GRAMD1B: variants seen among roughly 807,000 people sequenced by gnomAD.
GRAMD1B encodes protein Aster-B.
A neutral mutation model predicts 99.7 loss-of-function variants in GRAMD1B; 37 were observed. That is an observed-to-expected ratio of 0.37 (90% CI 0.29 to 0.49). The LOEUF is 0.49. GRAMD1B is among the 20% of genes least tolerant of loss of function. The pLI, the probability that GRAMD1B is intolerant of heterozygous loss-of-function variation, is 0.98. For synonymous variants in GRAMD1B, 427 were observed against 387.6 expected (o/e 1.10, Z -1.19); for missense variants, 888 against 1,009.2 (o/e 0.88, Z 1.63).
intron 1 of GRAMD1B, among the ~76,000 whole-genome samples, chr11:123,419,277 A>G (rs971298077): frequency 1.2e-4 from 18 of 152,280 alleles, no homozygotes; most frequent in African/African-American, 4.1e-4. Flanking sequence ...TACTGTCCCC[A>G]ACAGGTTCAC....
intron 1 of GRAMD1B, among the ~76,000 whole-genome samples, chr11:123,469,508 G>A (rs1241339928): frequency 6.6e-6 from 1 of 152,100 alleles, no homozygotes; most frequent in Admixed American, 6.6e-5. Context: ...AAACTGATGT[G>A]GGGTTGCATT....
At chr11:123,541,639 G>A (rs1944543899) in intron 2 of GRAMD1B, among the ~76,000 whole-genome samples, 1 of 149,176 alleles carries the variant, frequency 6.7e-6, no homozygotes, top group African/African-American at 2.5e-5. Flanking sequence ...GGTAATACAT[G>A]TTGCAAGTAC....
At chr11:123,536,684 G>A (rs1413338094) in intron 2 of GRAMD1B, among the ~76,000 whole-genome samples, 2 of 152,160 alleles carry the variant, frequency 1.3e-5, no homozygotes, top group Non-Finnish European at 2.9e-5. Context: ...TGGGGCCAGC[G>A]AGTTCTGATC....
Position 123,406,969 on chromosome 11 carries a change from G to T in GRAMD1B, c.-176+48170G>T, listed in dbSNP as rs187026176. Reference sequence around the variant, plus strand: ...AAACATGCAGATCCCTGCACCTGTGGTATTTACCCTAAAACTCCCTGTGGC... The same window carrying T: ...AAACATGCAGATCCCTGCACCTGTGTTATTTACCCTAAAACTCCCTGTGGC... On this transcript the variant is annotated intron_variant, in intron 1 of 20. Transcript: ENST00000638157. Among the ~76,000 whole-genome samples, 487 of 152,296 alleles carry T rather than the reference G, an allele frequency of 3.2e-3. 4 individuals carry two copies. Among genetic ancestry groups the T allele is most frequent in the African/African-American group, 0.011 (463 of 41,566 alleles).
At chr11:123,620,735 G>C (rs1234300286) in intron 19 of GRAMD1B, among the ~76,000 whole-genome samples, 2 of 152,144 alleles carry the variant, frequency 1.3e-5, no homozygotes, top group Non-Finnish European at 2.9e-5. Context: ...ACATGTCAAG[G>C]GTTAGACTTA....
chr11:123,423,295 A>C (rs1263584859), intron 1 of GRAMD1B, among the ~76,000 whole-genome samples: 6 of 149,664 alleles, frequency 4.0e-5, no homozygotes, highest in African/African-American at 1.5e-4. Flanking sequence ...CCTTATCCCC[A>C]ACCCCAAATG....
Position 123,600,479 on chromosome 11 carries a change from T to G in GRAMD1B, c.981T>G (p.Thr327=). Residue 327 remains threonine (T), a synonymous_variant, in exon 8 of 20, where the codon ACT becomes ACG. Coordinates refer to ENST00000635736, the MANE Select transcript of GRAMD1B (RefSeq NM_001387025.1). ...CTTTTCCAATCTAGCACTTCTTCACTTCGTTTGGGGCCCGGGATAGGACAT... is the reference window on the plus strand; with the variant it reads ...CTTTTCCAATCTAGCACTTCTTCACGTCGTTTGGGGCCCGGGATAGGACAT... ...VCTDSEKHFF[T]SFGARDRTYM... 6.2e-7 allele frequency: 1 copy of G among 1,608,006 alleles called. No individual in the cohort carries two copies. The highest frequency in any genetic ancestry group is 8.5e-7 in the Non-Finnish European group (1 of 1,175,152).
At chr11:123,608,265 G>T (rs1592254707) in intron 11 of GRAMD1B, 1 of 544,556 alleles carries the variant, frequency 1.8e-6, no homozygotes, top group South Asian at 2.3e-5. Flanking sequence ...ACAATTTGTT[G>T]TCGATTAGAG....
intron 1 of GRAMD1B, among the ~76,000 whole-genome samples, chr11:123,444,649 G>A (rs1302297216): frequency 6.6e-6 from 1 of 151,992 alleles, no homozygotes; most frequent in Non-Finnish European, 1.5e-5. Flanking sequence ...AGTCAGCTGG[G>A]GGTTTTAGAA....
rs7114319 is a variant in GRAMD1B at position 123,603,577 on chromosome 11, C to T, written c.1166+36C>T. On this transcript the variant is annotated intron_variant, in intron 9 of 19. Coordinates refer to ENST00000635736, the MANE Select transcript of GRAMD1B (RefSeq NM_001387025.1). ...CCAAGGGCGGCTGCCCAGAGGCAGC[C>T]GTGCGAGTGCCTGCAGGAAGAACCT... The T allele has an allele frequency of 2.9e-3, 3,525 of 1,231,288 alleles. 117 individuals carry two copies. The East Asian group carries it at 0.073, about 26-fold the overall frequency. 76.3% of individuals were successfully genotyped at this position (1,231,288 alleles called of 1,614,324 possible).
intron 4 of GRAMD1B, among the ~76,000 whole-genome samples, chr11:123,586,696 G>A (rs1950112349): frequency 6.6e-6 from 1 of 152,200 alleles, no homozygotes; most frequent in African/African-American, 2.4e-5. Flanking sequence ...GGAGGCCCTT[G>A]CCCTGCCCCT....
At chr11:123,483,147 G>A (rs1399412535) in intron 2 of GRAMD1B, among the ~76,000 whole-genome samples, 1 of 152,104 alleles carries the variant, frequency 6.6e-6, no homozygotes, top group African/African-American at 2.4e-5. Context: ...CAGTGAGAAG[G>A]ATTGCAGCTC....
At chr11:123,577,341 C>T (rs781148012) in intron 2 of GRAMD1B, 26 bp from the exon 3 acceptor site, 26 of 1,546,676 alleles carry the variant, frequency 1.7e-5, no homozygotes, top group South Asian at 1.2e-5. Flanking sequence ...TTCCACCCCG[C>T]TCCCTCTCTC....
intron 5 of GRAMD1B, 135 bp downstream of exon 5, chr11:123,594,301 C>G: frequency 5.9e-6 from 4 of 680,954 alleles, no homozygotes; most frequent in Non-Finnish European, 2.7e-6. Context: ...TGTCCAGACC[C>G]CTGGCCCCAG....
Position 123,584,301 on chromosome 11 carries a change from T to C in GRAMD1B, c.664-11T>C. 1.9e-6 allele frequency: 2 copies of C among 1,044,820 alleles called. No individual in the cohort carries two copies. The highest frequency in any genetic ancestry group is 2.5e-6 in the Non-Finnish European group (2 of 802,526). 64.7% of individuals were successfully genotyped at this position (1,044,820 alleles called of 1,614,324 possible). A position where few individuals can be genotyped will look rare whatever the true frequency, so the allele number is the denominator to read the frequency against. The stretch of plus-strand genomic sequence containing the variant: ...ACTAATTCTACCTTCTCTTTCATTT[T>C]CTCTTTTCAGAAAAGCCAGAGTTGG... On this transcript the variant is annotated splice_polypyrimidine_tract_variant and intron_variant, in intron 3 of 19. Transcript: ENST00000635736.
At chr11:123,416,884 A>G (rs1565485003) in intron 1 of GRAMD1B, among the ~76,000 whole-genome samples, 1 of 152,164 alleles carries the variant, frequency 6.6e-6, no homozygotes, top group South Asian at 2.1e-4. Context: ...GATGGGCACT[A>G]TTATTATTAA....
intron 1 of GRAMD1B, among the ~76,000 whole-genome samples, chr11:123,421,632 T>A (rs2136029464): frequency 6.6e-6 from 1 of 152,344 alleles, no homozygotes; most frequent in Non-Finnish European, 1.5e-5. Flanking sequence ...AAGAAGGTGA[T>A]ATTTTTACTG....
chr11:123,371,966 A>C (rs896576534), intron 1 of GRAMD1B, among the ~76,000 whole-genome samples: 2 of 152,226 alleles, frequency 1.3e-5, no homozygotes, highest in Non-Finnish European at 2.9e-5. Flanking sequence ...ATCTGTGAAC[A>C]ACTGACATCA....
At chr11:123,395,053 G>C (rs996207402) in intron 1 of GRAMD1B, among the ~76,000 whole-genome samples, 1 of 152,118 alleles carries the variant, frequency 6.6e-6, no homozygotes, top group Non-Finnish European at 1.5e-5. Flanking sequence ...GAATTTTGGA[G>C]GGGCCAAACA....
Sources: allele counts gnomAD v4.1 joint callset (sites outside exome capture counted in the v4.1 genomes callset), GRCh38; gene constraint gnomAD v4.1.1; transcripts MANE v1.5; gene names NCBI Gene and HGNC (gene_info 2026-07-23, HGNC 2026-07-21).